The following RP1 variants were observed in gnomAD, a reference collection of about 807,000 sequenced individuals.
The protein encoded by RP1 is oxygen-regulated protein 1.
Under a neutral mutation model 14.8 loss-of-function variants are expected in RP1, and 16 were observed. The observed-to-expected ratio is 1.08, with a 90% CI of 0.73 to 1.65. The LOEUF (loss-of-function observed/expected upper bound fraction) is 1.65, where lower values mean the gene tolerates loss of function less well. Ranked by LOEUF, RP1 falls within the 40% of genes most tolerant of loss-of-function variation. RP1 has a pLI of 0.00. For synonymous variants in RP1, 876 were observed against 883.6 expected (o/e 0.99, Z 0.15); for missense variants, 2,631 against 2,535.0 (o/e 1.04, Z -0.81).
chr8:54,710,376 G>A (rs1259543816), intron 15 of RP1, among the ~76,000 whole-genome samples: 2 of 152,202 alleles, frequency 1.3e-5, no homozygotes, highest in Non-Finnish European at 2.9e-5. Flanking sequence ...AGATGGGGGT[G>A]CCTGCAACCC....
chr8:54,805,810 T>C (rs1437587172), intron 24 of RP1, among the ~76,000 whole-genome samples: 1 of 151,978 alleles, frequency 6.6e-6, no homozygotes, highest in Non-Finnish European at 1.5e-5. Flanking sequence ...AGCCATTATA[T>C]ATGGCATCTG....
At position 54,594,763 on chromosome 8, in the gene RP1, A is replaced by T. The variant is rs117393837; in HGVS notation, c.-12-26192A>T. Among the ~76,000 whole-genome samples the T allele has an allele frequency of 2.8e-3, 422 of 152,308 alleles. 2 individuals are homozygous for T. Among genetic ancestry groups the T allele is most frequent in the Non-Finnish European group, 4.9e-3 (335 of 68,018 alleles). On this transcript the variant is annotated intron_variant, in intron 1 of 22. Transcript: ENST00000636932. ...GGCCACTAGAAGCACTGTAATTATT[A>T]TGGAAGTTGTTCATTAGAGATACAT...
chr8:54,562,055 G>C (rs1554514831), intron 1 of RP1: 1 of 152,126 alleles, frequency 6.6e-6, no homozygotes. Flanking sequence ...CAAATGAATG[G>C]ATGGTCCTCA....
At chr8:54,599,032 T>C (rs185881788) in intron 1 of RP1, among the ~76,000 whole-genome samples, 8 of 152,298 alleles carry the variant, frequency 5.3e-5, no homozygotes, top group Admixed American at 1.3e-4. Context: ...TTTTCAACCA[T>C]TATTTCTGGG....
At chr8:54,646,198 T>C (rs559544566) in intron 3 of RP1, among the ~76,000 whole-genome samples, 3 of 152,192 alleles carry the variant, frequency 2.0e-5, no homozygotes, top group Non-Finnish European at 4.4e-5. Context: ...TTTAAAAGAT[T>C]ATGGCATAAA....
rs1011336244 is a variant in RP1 at position 54,566,067 on chromosome 8, G to A, written c.-13+6747G>A. Among the ~76,000 whole-genome samples, 3 of 143,308 alleles carry A rather than the reference G, an allele frequency of 2.1e-5. No individual in the cohort carries two copies. The Admixed American group carries it at 2.1e-4, about 10-fold the overall frequency. 94.0% of individuals were successfully genotyped at this position (143,308 alleles called of 152,430 possible). Reference sequence around the variant, plus strand: ...TCTTTTATAAGGACACAGCCCAGCTGGATTCGGGGCCCAACCCCACTCCAG... The same window carrying A: ...TCTTTTATAAGGACACAGCCCAGCTAGATTCGGGGCCCAACCCCACTCCAG... On this transcript the variant is annotated intron_variant, in intron 1 of 22. Transcript: ENST00000636932.
intron 2 of RP1, among the ~76,000 whole-genome samples, 168 bp from the exon 3 acceptor site, chr8:54,621,949 A>T (rs1329383186): frequency 6.6e-6 from 1 of 152,142 alleles, no homozygotes; most frequent in South Asian, 2.1e-4. Flanking sequence ...CAACCTTGAC[A>T]TTTGGTATTT....
chr8:54,575,569 G>C (rs377112811), intron 1 of RP1, among the ~76,000 whole-genome samples: 1 of 152,132 alleles, frequency 6.6e-6, no homozygotes, highest in Admixed American at 6.5e-5. Flanking sequence ...ATTATAAAAT[G>C]TACAATTAAG....
chr8:54,748,530 A>T (rs553714754), intron 19 of RP1, among the ~76,000 whole-genome samples: 1 of 152,350 alleles, frequency 6.6e-6, no homozygotes, highest in South Asian at 2.1e-4. Context: ...CCTTGATAAC[A>T]AATAGGGTAT....
At chr8:54,862,355 A>G (rs1812360712) in intron 27 of RP1, among the ~76,000 whole-genome samples, 2 of 152,260 alleles carry the variant, frequency 1.3e-5, no homozygotes, top group Admixed American at 6.5e-5. Context: ...ACTTTACGTA[A>G]GTTGGTATAA....
At chr8:54,736,354 A>G (rs1462314583) in intron 18 of RP1, among the ~76,000 whole-genome samples, 1 of 152,212 alleles carries the variant, frequency 6.6e-6, no homozygotes. Flanking sequence ...TAAGAACAGA[A>G]GCCTTGGAGT....
intron 24 of RP1, among the ~76,000 whole-genome samples, chr8:54,795,734 C>A (rs2129386709): frequency 6.6e-6 from 1 of 152,246 alleles, no homozygotes; most frequent in East Asian, 1.9e-4. Flanking sequence ...TGGACTTGAT[C>A]ATATCCTCCT....
At chr8:54,755,431 C>T (rs1229913514) in intron 20 of RP1, among the ~76,000 whole-genome samples, 1 of 152,080 alleles carries the variant, frequency 6.6e-6, no homozygotes, top group East Asian at 1.9e-4. Context: ...CAAAAATGCC[C>T]ATGTATGATT....
intron 1 of RP1, among the ~76,000 whole-genome samples, chr8:54,568,176 G>A (rs1279018451): frequency 6.6e-6 from 1 of 152,142 alleles, no homozygotes; most frequent in Admixed American, 6.5e-5. Context: ...CTTTATTCAT[G>A]AGTCTTGCTG....
At chr8:54,819,794 C>G (rs1332975365) in intron 24 of RP1, among the ~76,000 whole-genome samples, 3 of 152,174 alleles carry the variant, frequency 2.0e-5, no homozygotes. Context: ...CAGGCAGAGT[C>G]TCTCATTGTA....
intron 1 of RP1, among the ~76,000 whole-genome samples, chr8:54,581,989 A>C (rs1381128387): frequency 6.6e-6 from 1 of 152,160 alleles, no homozygotes; most frequent in Non-Finnish European, 1.5e-5. Context: ...TCTGCTGTGC[A>C]GAAGCTCTTT....
At chr8:54,760,791 C>T (rs1809619998) in intron 22 of RP1, among the ~76,000 whole-genome samples, 1 of 152,188 alleles carries the variant, frequency 6.6e-6, no homozygotes, top group African/African-American at 2.4e-5. Flanking sequence ...TTGCTCTCTT[C>T]TCCCCATTAT....
intron 19 of RP1, among the ~76,000 whole-genome samples, chr8:54,746,475 G>T (rs964992355): frequency 3.3e-5 from 5 of 152,152 alleles, no homozygotes; most frequent in Admixed American, 2.6e-4. Flanking sequence ...AAACACTGTT[G>T]TAGAATATTA....
chr8:54,795,692 A>T (rs532011369), intron 24 of RP1, among the ~76,000 whole-genome samples: 1 of 152,136 alleles, frequency 6.6e-6, no homozygotes, highest in Non-Finnish European at 1.5e-5. Context: ...CTCTGCTGAC[A>T]TCTTCTTTTG....
Sources: allele counts gnomAD v4.1 joint callset (sites outside exome capture counted in the v4.1 genomes callset), GRCh38; gene constraint gnomAD v4.1.1; transcripts MANE v1.5; gene names NCBI Gene and HGNC (gene_info 2026-07-23, HGNC 2026-07-21).